The following KLF8 variants were observed in gnomAD, a reference collection of about 807,000 sequenced individuals.
KLF8 encodes Krueppel-like factor 8.
Under a neutral mutation model 18.2 loss-of-function variants are expected in KLF8, and 10 were observed. The ratio of observed to expected loss-of-function variants is 0.55; its 90% CI spans 0.34 to 0.93. The LOEUF (loss-of-function observed/expected upper bound fraction) is 0.93, where lower values mean the gene tolerates loss of function less well. Among genes scored for constraint, KLF8 ranks in the 40% least tolerant of loss-of-function variants. KLF8 has a pLI of 0.02. For missense variants in KLF8, 264 were observed against 277.9 expected, an observed-to-expected ratio of 0.95 and a Z score of 0.36; for synonymous variants, 109 against 97.3, an observed-to-expected ratio of 1.12 and a Z score of -0.71.
chrX:56,001,826 A>G, the KLF8 span, among the ~76,000 whole-genome samples: 1 of 111,783 alleles, frequency 8.9e-6, no homozygotes, highest in African/African-American at 3.3e-5. Context: ...TTCTTATTGA[A>G]ACTCTAGTGG....
chrX:56,186,773 A>G, the KLF8 span, among the ~76,000 whole-genome samples: 1 of 112,303 alleles, frequency 8.9e-6, no homozygotes, highest in Non-Finnish European at 1.9e-5. Flanking sequence ...CTCCTGAATG[A>G]CTACTGGGTA....
the KLF8 span, chrX:56,015,227 G>A: frequency 5.4e-5 from 6 of 111,310 alleles, no homozygotes; most frequent in Admixed American, 1.9e-4. Context: ...CTAGACCTTG[G>A]ATTAAGAAGA....
chrX:56,158,976 G>A, the KLF8 span, among the ~76,000 whole-genome samples: 1 of 111,613 alleles, frequency 9.0e-6, no homozygotes, highest in African/African-American at 3.3e-5. Context: ...GTTTTCAAAG[G>A]GAATGCTTCC....
At chrX:56,077,226 T>G in the KLF8 span, among the ~76,000 whole-genome samples, 1 of 112,166 alleles carries the variant, frequency 8.9e-6, no homozygotes, top group Admixed American at 9.4e-5. Context: ...CATGCCTATG[T>G]CCTGTATGGT....
At chrX:56,078,416 C>G in the KLF8 span, among the ~76,000 whole-genome samples, 1 of 112,055 alleles carries the variant, frequency 8.9e-6, no homozygotes, top group Non-Finnish European at 1.9e-5. Flanking sequence ...GTTTTTGTCT[C>G]TGGTTCTGTT....
the KLF8 span, among the ~76,000 whole-genome samples, chrX:55,925,171 ATT>A: frequency 0.55 from 38,186 of 70,040 alleles, 10,385 homozygotes; most frequent in East Asian, 0.74. Flanking sequence ...TGGTGGTTTC[ATT>A]TTTTTTTTTT....
At chrX:56,077,705 G>A in the KLF8 span, among the ~76,000 whole-genome samples, 2 of 111,512 alleles carry the variant, frequency 1.8e-5, no homozygotes, top group Non-Finnish European at 3.8e-5. Context: ...TGATGGGGAT[G>A]GCATTGAATC....
chrX:56,142,231 C>T, the KLF8 span, among the ~76,000 whole-genome samples: 4 of 111,705 alleles, frequency 3.6e-5, no homozygotes, highest in African/African-American at 1.3e-4. Context: ...GTCAAGTTCA[C>T]CAATAACCTC....
intron 1 of KLF8, chrX:56,243,271 G>C: frequency 2.4e-6 from 1 of 422,580 alleles, no homozygotes; most frequent in Non-Finnish European, 4.4e-6. Flanking sequence ...GCCGCTGGAA[G>C]GTGAGGGGTG....
At chrX:56,252,449 CACAAATAAATAAGA>C (rs1281097438) in intron 2 of KLF8, among the ~76,000 whole-genome samples, 2 of 112,050 alleles carry the variant, frequency 1.8e-5, no homozygotes, top group African/African-American at 6.5e-5. Flanking sequence ...TTTTAGATCC[CACAAATAAATAAGA>C]ACATGTGATA....
the KLF8 span, among the ~76,000 whole-genome samples, chrX:55,964,790 A>C: frequency 4.5e-5 from 5 of 111,816 alleles, no homozygotes; most frequent in Admixed American, 9.5e-5. Flanking sequence ...TATGTACACA[A>C]ATTAGAAAAC....
At chrX:56,080,289 G>GT in the KLF8 span, among the ~76,000 whole-genome samples, 2 of 111,052 alleles carry the variant, frequency 1.8e-5, no homozygotes, top group Non-Finnish European at 3.8e-5. Context: ...GCTGGTACCG[G>GT]TTGTTCCTTT....
chrX:56,081,623 G>C, the KLF8 span, among the ~76,000 whole-genome samples: 1 of 111,858 alleles, frequency 8.9e-6, no homozygotes, highest in African/African-American at 3.2e-5. Flanking sequence ...TTTTACAAAT[G>C]CCTTCTATTA....
the KLF8 span, among the ~76,000 whole-genome samples, chrX:56,027,984 G>A: frequency 8.9e-6 from 1 of 112,509 alleles, no homozygotes; most frequent in South Asian, 3.7e-4. Flanking sequence ...TAGCTTATCT[G>A]CTTCTTGTGC....
chrX:56,068,586 G>T, the KLF8 span, among the ~76,000 whole-genome samples: 4 of 111,639 alleles, frequency 3.6e-5, no homozygotes, highest in African/African-American at 1.3e-4. Flanking sequence ...AACCAGGCAA[G>T]CAATGCCTGC....
the KLF8 span, among the ~76,000 whole-genome samples, chrX:56,043,653 G>A: frequency 8.9e-6 from 1 of 111,959 alleles, no homozygotes; most frequent in Non-Finnish European, 1.9e-5. Context: ...ATCTCCATCA[G>A]GTCAGTTATG....
At chrX:56,092,204 G>C in the KLF8 span, among the ~76,000 whole-genome samples, 1 of 111,025 alleles carries the variant, frequency 9.0e-6, no homozygotes, top group Non-Finnish European at 1.9e-5. Flanking sequence ...GTTTCTTGTA[G>C]ATTCCAGATA....
At chrX:55,978,156 C>T in the KLF8 span, among the ~76,000 whole-genome samples, 1 of 110,441 alleles carries the variant, frequency 9.1e-6, no homozygotes, top group Non-Finnish European at 1.9e-5. Context: ...TCTGTGTTTC[C>T]ATTCTCATTT....
At chrX:56,058,492 GCCACCCCCAC>G in the KLF8 span, among the ~76,000 whole-genome samples, 10 of 100,093 alleles carry the variant, frequency 1.0e-4, no homozygotes, top group East Asian at 1.9e-3. Context: ...CTCCCCTAGT[GCCACCCCCAC>G]CCACCCCCAC....
Sources: gnomAD v4.1 joint callset for allele counts (sites outside exome capture counted in the v4.1 genomes callset) on GRCh38, gnomAD v4.1.1 for gene constraint, MANE v1.5 for transcripts, NCBI Gene and HGNC (gene_info 2026-07-23, HGNC 2026-07-21) for gene names.